The following ZNF331 variants were observed in gnomAD, a reference collection of about 807,000 sequenced individuals.
ZNF331 encodes C2H2-like zinc finger protein rearranged in thyroid adenomas.
ZNF331 carries 2 observed loss-of-function variants against 7.0 expected under a neutral mutation model. The observed-to-expected ratio is 0.29, with a 90% CI of 0.12 to 0.90. The LOEUF is 0.90. ZNF331 is among the 40% of genes least tolerant of loss of function. The pLI is 0.58. For missense variants in ZNF331, 432 were observed against 587.7 expected, an observed-to-expected ratio of 0.74 and a Z score of 2.74; for synonymous variants, 196 against 205.4, an observed-to-expected ratio of 0.95 and a Z score of 0.39.
chr19:53,505,153 A>G, the ZNF331 span, among the ~76,000 whole-genome samples: 1 of 151,990 alleles, frequency 6.6e-6, no homozygotes, highest in African/African-American at 2.4e-5. Context: ...GCCAGGAGGG[A>G]GCAGTCTTTT....
upstream of ZNF331, among the ~76,000 whole-genome samples, chr19:53,518,616 A>G (rs144584217): frequency 3.4e-3 from 512 of 152,350 alleles, 1 homozygote; most frequent in Non-Finnish European, 5.6e-3. Flanking sequence ...GTCAGTCAAT[A>G]TTGCAAACCA....
chr19:53,514,587 C>A (rs2086852652), upstream of ZNF331, among the ~76,000 whole-genome samples: 1 of 152,018 alleles, frequency 6.6e-6, no homozygotes, highest in South Asian at 2.1e-4. Context: ...CCAATGTCTG[C>A]CATCTTATTT....
chr19:53,570,812 A>T (rs941722381), intron 4 of ZNF331, among the ~76,000 whole-genome samples: 3 of 149,798 alleles, frequency 2.0e-5, no homozygotes, highest in African/African-American at 7.4e-5. Flanking sequence ...GATTACAGGC[A>T]TGAGCCACCA....
chr19:53,539,438 C>T lies in ZNF331; in HGVS notation c.-138+156C>T, dbSNP rs2087977181. On this transcript the variant is annotated intron_variant, in intron 2 of 5. Coordinates refer to ENST00000449416, the MANE Select transcript of ZNF331 (RefSeq NM_001079906.2). The surrounding 1 kb of genome is among the most constrained non-coding windows in gnomAD (Gnocchi z 6.1). ...TTGTGAGGAGGGTGAAATGCATTAA[C>T]ACGCATAAAACCCATAGACGCGCAC... The T allele has an allele frequency of 6.6e-6, 1 of 152,138 alleles. No individual in the cohort carries two copies. The highest frequency in any genetic ancestry group is 2.4e-5 in the African/African-American group (1 of 41,432). The allele number at this position is 152,138 out of a possible 1,614,324, so 9.4% of individuals were successfully genotyped here. A position where few individuals can be genotyped will look rare whatever the true frequency, so the allele number is the denominator to read the frequency against.
chr19:53,503,377 G>A, the ZNF331 span: 6 of 464,074 alleles, frequency 1.3e-5, no homozygotes, highest in East Asian at 4.4e-5. Context: ...GTAGCAGCCT[G>A]TGGGAACTGA....
At chr19:53,569,542 G>C (rs1266114446) in intron 4 of ZNF331, among the ~76,000 whole-genome samples, 157 bp downstream of exon 4, 1 of 152,068 alleles carries the variant, frequency 6.6e-6, no homozygotes, top group Non-Finnish European at 1.5e-5. Context: ...ACGTAGCTCC[G>C]TGTCTGCCTT....
exon 1 of ZNF331, chr19:53,521,553 G>T (rs1455544447): frequency 6.6e-6 from 1 of 152,196 alleles, no homozygotes; most frequent in African/African-American, 2.4e-5. Context: ...CCATAGCGCC[G>T]GGCTGTAAGG....
upstream of ZNF331, among the ~76,000 whole-genome samples, chr19:53,534,544 C>T (rs954668362): frequency 1.3e-5 from 2 of 152,182 alleles, no homozygotes; most frequent in Non-Finnish European, 2.9e-5. Flanking sequence ...ACCTCGGCCT[C>T]CCAAATGCTG....
intron 2 of ZNF331, among the ~76,000 whole-genome samples, chr19:53,526,343 T>C (rs2087291679): frequency 6.6e-6 from 1 of 152,144 alleles, no homozygotes; most frequent in Non-Finnish European, 1.5e-5. Context: ...AGAAGCATTG[T>C]ATTAGGTCTT....
Position 53,576,954 on chromosome 19 carries a change from G to A in ZNF331, c.394G>A (p.Glu132Lys). 6.2e-7 allele frequency: 1 copy of A among 1,614,186 alleles called. No homozygotes were observed. The highest frequency in any genetic ancestry group is 8.5e-7 in the Non-Finnish European group (1 of 1,180,038). ...HQRHHKENSF[E>K]CKDCGKAFSR... Reference sequence around the variant, plus strand: ...GAGACATCATAAGGAGAATTCCTTTGAATGTAAGGACTGTGGGAAGGCCTT... The same window carrying A: ...GAGACATCATAAGGAGAATTCCTTTAAATGTAAGGACTGTGGGAAGGCCTT... Residue 132 changes from glutamate (E) to lysine (K), a missense_variant, in exon 6 of 6, where the codon GAA (glutamate) becomes AAA (lysine). Glu to Lys is a moderately conservative substitution (Grantham distance 56, BLOSUM62 1). Around this residue, in one of 3 missense-constraint regions of ZNF331, gnomAD observed 312 missense variants for 448.6 expected, o/e 0.70. Transcript: ENST00000449416.
chr19:53,515,686 G>A (rs954891483), upstream of ZNF331, among the ~76,000 whole-genome samples: 5 of 152,010 alleles, frequency 3.3e-5, no homozygotes, highest in Admixed American at 1.3e-4. Flanking sequence ...TAGTAGAGAC[G>A]GGGTTTCTCT....
upstream of ZNF331, chr19:53,537,579 ACGCGC>A (rs1393415533): frequency 2.6e-5 from 4 of 152,374 alleles, no homozygotes; most frequent in African/African-American, 4.8e-5. Context: ...CCGACCTGGG[ACGCGC>A]CCTGAGGCCC....
chr19:53,533,019 T>A (rs2087600982), intron 2 of ZNF331, among the ~76,000 whole-genome samples: 1 of 152,094 alleles, frequency 6.6e-6, no homozygotes, highest in South Asian at 2.1e-4. Flanking sequence ...TTTATTTTTA[T>A]TCCGACTTTT....
intron 4 of ZNF331, among the ~76,000 whole-genome samples, chr19:53,570,840 C>T (rs1036408231): frequency 3.4e-5 from 5 of 145,644 alleles, no homozygotes; most frequent in African/African-American, 1.3e-4. Flanking sequence ...CAAACCCTAT[C>T]TTCTTTTCTT....
chr19:53,544,288 G>A (rs1043102753), intron 2 of ZNF331, among the ~76,000 whole-genome samples: 2 of 150,294 alleles, frequency 1.3e-5, no homozygotes, highest in African/African-American at 4.9e-5. Flanking sequence ...GCTCATGCCT[G>A]TAATCCCAGC....
intron 2 of ZNF331, among the ~76,000 whole-genome samples, chr19:53,544,103 T>C (rs1431765965): frequency 6.6e-6 from 1 of 151,512 alleles, no homozygotes; most frequent in African/African-American, 2.4e-5. Context: ...GGCATGCACC[T>C]GTAGTCCCAG....
chr19:53,519,570 C>T (rs2086990471), upstream of ZNF331, among the ~76,000 whole-genome samples: 1 of 152,196 alleles, frequency 6.6e-6, no homozygotes, highest in Admixed American at 6.5e-5. Flanking sequence ...AGGGCCAAAC[C>T]GCCTGATCAT....
chr19:53,505,003 T>A, the ZNF331 span, among the ~76,000 whole-genome samples: 7 of 152,184 alleles, frequency 4.6e-5, no homozygotes, highest in African/African-American at 1.7e-4. Flanking sequence ...GTGATTTATT[T>A]GTTGCTCATT....
rs2089610641 is a variant in ZNF331, at chr19:53,558,927, C to CATACCAT, written c.-74+3023_-74+3024insCATATAC. 1.7e-5 allele frequency among the ~76,000 whole-genome samples: 2 copies of CATACCAT among 118,782 alleles called. No individual in the cohort carries two copies. Among genetic ancestry groups the CATACCAT allele is most frequent in the African/African-American group, 9.5e-5 (2 of 21,160 alleles). 77.9% of individuals were successfully genotyped at this position (118,782 alleles called of 152,430 possible). ...ATACACACCTACATATATACACACA[C>CATACCAT]ATACACACCATACACACATATACAC... On this transcript the variant is annotated intron_variant, in intron 3 of 5. Transcript: ENST00000449416. This position sits in a 1 kb window ranked among gnomAD's most constrained non-coding sequence, Gnocchi z 4.5.
Sources: allele counts gnomAD v4.1 joint callset (sites outside exome capture counted in the v4.1 genomes callset), GRCh38; gene constraint gnomAD v4.1.1; regional missense constraint gnomAD v4.1.1; non-coding constraint Gnocchi (gnomAD v3.1); transcripts MANE v1.5; gene names NCBI Gene and HGNC (gene_info 2026-07-23, HGNC 2026-07-21).